MSRA: variants seen among roughly 807,000 people sequenced by gnomAD.
MSRA encodes the protein methionine sulfoxide reductase A, also known as mitochondrial peptide methionine sulfoxide reductase.
MSRA carries 54 observed loss-of-function variants against 31.3 expected under a neutral mutation model. The ratio of observed to expected loss-of-function variants is 1.73; its 90% CI spans 1.39 to 2.17. MSRA has a LOEUF of 2.17. Among genes scored for constraint, MSRA ranks in the 30% most tolerant of loss-of-function variants. MSRA has a pLI of 0.00. For synonymous variants in MSRA, 169 were observed against 116.5 expected (o/e 1.45, Z -2.90); for missense variants, 507 against 300.9 (o/e 1.69, Z -5.07).
chr8:10,355,632 G>A, intron 5 of MSRA, among the ~76,000 whole-genome samples: 1 of 152,208 alleles, frequency 6.6e-6, no homozygotes, highest in South Asian at 2.1e-4. Flanking sequence ...GGGTCAGGCA[G>A]TCAGGGTGGC....
intron 5 of MSRA, among the ~76,000 whole-genome samples, chr8:10,397,812 A>G (rs562909979): frequency 1.3e-5 from 2 of 152,316 alleles, no homozygotes; most frequent in East Asian, 3.9e-4. Context: ...GTTTTCTCAT[A>G]GTCTCATAGT....
At chr8:10,235,673 C>A (rs764794832) in intron 2 of MSRA, among the ~76,000 whole-genome samples, 3 of 152,100 alleles carry the variant, frequency 2.0e-5, no homozygotes, top group Non-Finnish European at 4.4e-5. Flanking sequence ...AAAGCATCCC[C>A]TAATGATTCT....
chr8:10,336,428 A>G (rs994743183), intron 5 of MSRA, among the ~76,000 whole-genome samples: 7 of 151,930 alleles, frequency 4.6e-5, no homozygotes, highest in African/African-American at 1.7e-4. Flanking sequence ...AGAAAAAAAA[A>G]ATTTTAATCC....
intron 1 of MSRA, among the ~76,000 whole-genome samples, chr8:10,078,362 T>A (rs1304646834): frequency 6.6e-6 from 1 of 152,222 alleles, no homozygotes; most frequent in African/African-American, 2.4e-5. Context: ...GGGTGTATGT[T>A]CACATTCATG....
chr8:10,419,633 A>C (rs918138037), intron 5 of MSRA, among the ~76,000 whole-genome samples: 3 of 152,166 alleles, frequency 2.0e-5, no homozygotes, highest in Non-Finnish European at 2.9e-5. Flanking sequence ...CTGGTGCTTA[A>C]AACGCAAATG....
intron 4 of MSRA, among the ~76,000 whole-genome samples, chr8:10,313,286 T>G (rs1041145006): frequency 1.3e-5 from 2 of 152,152 alleles, no homozygotes; most frequent in African/African-American, 4.8e-5. Flanking sequence ...TTGAAGGTGG[T>G]GAAGCTTCTG....
chr8:10,307,850 C>G (rs1248040382), intron 4 of MSRA, among the ~76,000 whole-genome samples: 1 of 152,216 alleles, frequency 6.6e-6, no homozygotes, highest in Non-Finnish European at 1.5e-5. Context: ...AGAATTTTAG[C>G]TGGTGTGCAG....
chr8:10,145,068 G>C (rs1242324815), intron 1 of MSRA, among the ~76,000 whole-genome samples: 2 of 152,104 alleles, frequency 1.3e-5, no homozygotes, highest in Non-Finnish European at 2.9e-5. Context: ...TGAAATTATA[G>C]GTGCACATGA....
chr8:10,296,580 G>A (rs1237034413), intron 3 of MSRA, among the ~76,000 whole-genome samples: 1 of 152,196 alleles, frequency 6.6e-6, no homozygotes, highest in African/African-American at 2.4e-5. Context: ...TGTCATCACG[G>A]CTGATTAGAG....
intron 1 of MSRA, among the ~76,000 whole-genome samples, chr8:10,182,431 C>T (rs558404060): frequency 2.0e-5 from 3 of 152,328 alleles, no homozygotes; most frequent in South Asian, 2.1e-4. Flanking sequence ...GGGTCCTCTA[C>T]TTCAGAGTCT....
intron 1 of MSRA, among the ~76,000 whole-genome samples, chr8:10,124,889 G>T (rs1025914343): frequency 3.3e-5 from 5 of 152,170 alleles, no homozygotes; most frequent in African/African-American, 9.7e-5. Context: ...ATTGGTTTAT[G>T]TACTGGGAAG....
intron 5 of MSRA, among the ~76,000 whole-genome samples, chr8:10,376,992 T>C (rs1409611518): frequency 3.9e-5 from 6 of 152,198 alleles, no homozygotes; most frequent in Admixed American, 3.9e-4. Flanking sequence ...CAGATTCTTT[T>C]GTTGTGTGAC....
intron 1 of MSRA, among the ~76,000 whole-genome samples, chr8:10,134,884 T>C (rs1223543280): frequency 6.6e-6 from 1 of 152,232 alleles, no homozygotes; most frequent in African/African-American, 2.4e-5. Context: ...TTCTAAGAAA[T>C]CAGTCCCAAA....
intron 2 of MSRA, among the ~76,000 whole-genome samples, chr8:10,219,804 TC>T (rs200925282): frequency 3.4e-4 from 5 of 14,518 alleles, no homozygotes; most frequent in Admixed American, 1.2e-3. Context: ...AGACTCTGTC[TC>T]CAAAAAAAAA....
chr8:10,080,268 A>G (rs887721059), intron 1 of MSRA, among the ~76,000 whole-genome samples: 4 of 151,526 alleles, frequency 2.6e-5, no homozygotes, highest in Admixed American at 6.6e-5. Context: ...TATCCCCCTT[A>G]TTAGTATTTC....
At chr8:10,138,614 C>T (rs1802467036) in intron 1 of MSRA, among the ~76,000 whole-genome samples, 1 of 152,156 alleles carries the variant, frequency 6.6e-6, no homozygotes, top group Non-Finnish European at 1.5e-5. Context: ...CCTATTTTCC[C>T]ATGGGACTAA....
At chr8:10,213,144 C>G (rs972587252) in intron 2 of MSRA, among the ~76,000 whole-genome samples, 1 of 152,120 alleles carries the variant, frequency 6.6e-6, no homozygotes, top group Non-Finnish European at 1.5e-5. Context: ...TTCTTTCTCA[C>G]TATTATATTT....
chr8:10,385,698 C>T (rs1441742133), intron 5 of MSRA, among the ~76,000 whole-genome samples: 2 of 151,740 alleles, frequency 1.3e-5, no homozygotes, highest in East Asian at 3.9e-4. Flanking sequence ...GCAGTGAAGT[C>T]ATGGTCTAAG....
intron 1 of MSRA, among the ~76,000 whole-genome samples, chr8:10,150,886 C>T (rs1803604545): frequency 6.6e-6 from 1 of 152,120 alleles, no homozygotes; most frequent in African/African-American, 2.4e-5. Context: ...GGAAGCAAGA[C>T]AGGGATCTCT....
Sources: gnomAD v4.1 joint callset for allele counts (sites outside exome capture counted in the v4.1 genomes callset) on GRCh38, gnomAD v4.1.1 for gene constraint, MANE v1.5 for transcripts, NCBI Gene and HGNC (gene_info 2026-07-23, HGNC 2026-07-21) for gene names.